Variants in SLMAP observed in about 807,000 individuals in gnomAD.
SLMAP encodes the protein sarcolemmal membrane-associated protein.
In SLMAP, 44 loss-of-function variants were observed where a neutral mutation model predicts 128.8. The ratio of observed to expected loss-of-function variants is 0.34; its 90% CI spans 0.27 to 0.44. The LOEUF is 0.44. SLMAP is among the 20% of genes least tolerant of loss of function. The pLI, the probability that SLMAP is intolerant of heterozygous loss-of-function variation, is 1.00. For missense variants in SLMAP, 787 were observed against 985.3 expected, an observed-to-expected ratio of 0.80 and a Z score of 2.69; for synonymous variants, 327 against 348.8, an observed-to-expected ratio of 0.94 and a Z score of 0.70.
intron 2 of SLMAP, among the ~76,000 whole-genome samples, chr3:57,769,434 C>A (rs1165885135): frequency 6.6e-6 from 1 of 152,098 alleles, no homozygotes; most frequent in Non-Finnish European, 1.5e-5. Flanking sequence ...ACCTCGTGAT[C>A]CGCCCGCCTT....
At chr3:57,907,059 A>C (rs1366807689) in intron 17 of SLMAP, among the ~76,000 whole-genome samples, 1 of 150,322 alleles carries the variant, frequency 6.7e-6, no homozygotes, top group Admixed American at 6.6e-5. Context: ...ACAGAGTCTC[A>C]CTCTGTTGCC....
chr3:57,764,414 A>G (rs978956003), intron 2 of SLMAP, among the ~76,000 whole-genome samples: 6 of 151,864 alleles, frequency 4.0e-5, no homozygotes, highest in Admixed American at 3.9e-4. Flanking sequence ...AGGCAGGATA[A>G]TCACTTGAAC....
At chr3:57,757,983 A>C in intron 2 of SLMAP, 134 bp downstream of exon 2, 2 of 711,872 alleles carry the variant, frequency 2.8e-6, no homozygotes, top group Admixed American at 2.4e-5. Flanking sequence ...CCACGAATCA[A>C]CTGTTTGTGT....
chr3:57,846,983 T>A (rs2094288320), intron 4 of SLMAP, among the ~76,000 whole-genome samples: 1 of 152,244 alleles, frequency 6.6e-6, no homozygotes, highest in Admixed American at 6.5e-5. Context: ...GGAATTTGTT[T>A]TTAGAACTAT....
At chr3:57,877,993 C>A (rs1201334172) in intron 14 of SLMAP, among the ~76,000 whole-genome samples, 2 of 151,688 alleles carry the variant, frequency 1.3e-5, no homozygotes, top group Non-Finnish European at 2.9e-5. Flanking sequence ...CGCTACCATA[C>A]CCGGCTAATT....
At chr3:57,797,125 T>C (rs141674233) in intron 2 of SLMAP, among the ~76,000 whole-genome samples, 286 of 144,764 alleles carry the variant, frequency 2.0e-3, no homozygotes, top group African/African-American at 7.0e-3. Flanking sequence ...GAGGTTACAG[T>C]GAGCTATGAT....
chr3:57,842,428 T>G (rs1226425990), intron 4 of SLMAP, among the ~76,000 whole-genome samples: 1 of 152,202 alleles, frequency 6.6e-6, no homozygotes, highest in Admixed American at 6.5e-5. Flanking sequence ...ACAGCTTAAT[T>G]ATTAAAATTA....
rs1225696253 is a variant in SLMAP, at chr3:57,864,932, C to G, written c.1186+75C>G. 12 of 1,150,180 alleles carry G rather than the reference C, an allele frequency of 1.0e-5. No individual in the cohort carries two copies. In the Admixed American group the frequency reaches 3.0e-4, roughly 29 times the overall value. 71.2% of individuals were successfully genotyped at this position (1,150,180 alleles called of 1,614,324 possible). On this transcript the variant is annotated intron_variant, in intron 12 of 24. Transcript: ENST00000671191. ...TTTTGACCTTGTTTACTGTCTCACACTGCATTTTTTAAGGGATGTTTTATG... is the reference window on the plus strand; with the variant it reads ...TTTTGACCTTGTTTACTGTCTCACAGTGCATTTTTTAAGGGATGTTTTATG...
intron 2 of SLMAP, among the ~76,000 whole-genome samples, chr3:57,775,368 C>T (rs1393927741): frequency 6.6e-6 from 1 of 151,928 alleles, no homozygotes; most frequent in Non-Finnish European, 1.5e-5. Flanking sequence ...CAAGTTCAGC[C>T]ACTTTAAAAA....
At chr3:57,880,163 A>AT (rs1410488670) in intron 14 of SLMAP, among the ~76,000 whole-genome samples, 1 of 142,642 alleles carries the variant, frequency 7.0e-6, no homozygotes, top group African/African-American at 2.7e-5. Context: ...TCCTTTTTGT[A>AT]TGTCATTTTT....
intron 20 of SLMAP, 54 bp downstream of exon 20, chr3:57,912,755 T>G: frequency 7.4e-7 from 1 of 1,354,508 alleles, no homozygotes; most frequent in Non-Finnish European, 1.0e-6. Flanking sequence ...GATAACTTCT[T>G]AACTTGTTTA....
At chr3:57,777,455 C>T (rs2082164576) in intron 2 of SLMAP, among the ~76,000 whole-genome samples, 1 of 151,966 alleles carries the variant, frequency 6.6e-6, no homozygotes, top group Non-Finnish European at 1.5e-5. Flanking sequence ...CGCAGTGGCA[C>T]TTGCTTTGTA....
intron 14 of SLMAP, among the ~76,000 whole-genome samples, chr3:57,875,619 G>T (rs1575581634): frequency 6.6e-6 from 1 of 152,238 alleles, no homozygotes; most frequent in African/African-American, 2.4e-5. Flanking sequence ...ATGAGTTCAG[G>T]TAGCTAAGGA....
At chr3:57,759,255 A>C (rs1484295162) in intron 2 of SLMAP, among the ~76,000 whole-genome samples, 1 of 151,674 alleles carries the variant, frequency 6.6e-6, no homozygotes, top group Non-Finnish European at 1.5e-5. Context: ...GGTGCCTAAA[A>C]TACTTCATAG....
At position 57,831,369 on chromosome 3, in the gene SLMAP, G is replaced by GT. The variant is rs199960887; in HGVS notation, c.199-5dup. 5.9e-3 allele frequency: 8,304 copies of GT among 1,417,100 alleles called. 30 individuals carry two copies. Among genetic ancestry groups the GT allele is most frequent in the Admixed American group, 0.026 (1,004 of 38,716 alleles). The allele number at this position is 1,417,100 out of a possible 1,614,324, so 87.8% of individuals were successfully genotyped here. A position where few individuals can be genotyped will look rare whatever the true frequency, so the allele number is the denominator to read the frequency against. ...TAATATTTGGCCCTTTTTTGTTTTT[G>GT]TTTTTTTTTGCAGTTTTATCTTCAA... On this transcript the variant is annotated splice_polypyrimidine_tract_variant and intron_variant, in intron 2 of 24. Coordinates refer to ENST00000671191, the MANE Select transcript of SLMAP (RefSeq NM_001377540.1).
At chr3:57,802,337 GC>G (rs2088708927) in intron 2 of SLMAP, among the ~76,000 whole-genome samples, 1 of 151,858 alleles carries the variant, frequency 6.6e-6, no homozygotes, top group Non-Finnish European at 1.5e-5. Context: ...GAGTGCAGTG[GC>G]ATGATCTCAG....
intron 5 of SLMAP, among the ~76,000 whole-genome samples, chr3:57,847,922 AAAAGT>A (rs1306094310): frequency 6.6e-6 from 1 of 152,174 alleles, no homozygotes; most frequent in African/African-American, 2.4e-5. Context: ...CTCCTTTTTT[AAAAGT>A]AAAAGTGGTT....
chr3:57,877,050 TAAC>T (rs1458148077), intron 14 of SLMAP, among the ~76,000 whole-genome samples: 2 of 152,132 alleles, frequency 1.3e-5, no homozygotes, highest in African/African-American at 4.8e-5. Context: ...TTTTTTTTTT[TAAC>T]ACCTGAGATC....
intron 2 of SLMAP, among the ~76,000 whole-genome samples, chr3:57,769,037 C>CT (rs2080287470): frequency 1.3e-5 from 2 of 152,216 alleles, no homozygotes; most frequent in East Asian, 1.9e-4. Context: ...AGAGCCTTGA[C>CT]TAACATAGGA....
Sources: allele counts gnomAD v4.1 joint callset (sites outside exome capture counted in the v4.1 genomes callset), GRCh38; gene constraint gnomAD v4.1.1; transcripts MANE v1.5; gene names NCBI Gene and HGNC (gene_info 2026-07-23, HGNC 2026-07-21).